CARF: variants seen among roughly 807,000 people sequenced by gnomAD.
The protein encoded by CARF is calcium responsive transcription factor, also known as calcium-responsive transcription factor.
Under a neutral mutation model 82.0 loss-of-function variants are expected in CARF, and 57 were observed. The observed-to-expected ratio is 0.70, with a 90% CI of 0.56 to 0.87. The LOEUF (loss-of-function observed/expected upper bound fraction) is 0.87. Ranked by LOEUF, CARF falls within the 40% of genes least tolerant of loss-of-function variation. The probability of loss-of-function intolerance (pLI) is 0.00; values close to 1 mark genes in which losing one functional copy is unlikely to be tolerated. For synonymous variants in CARF, 268 were observed against 290.1 expected, an observed-to-expected ratio of 0.92 and a Z score of 0.77; for missense variants, 771 against 855.8, an observed-to-expected ratio of 0.90 and a Z score of 1.24.
rs1292849954 is a variant in CARF at position 202,967,072 on chromosome 2, G to C, written c.927G>C (p.Gln309His). The C allele has an allele frequency of 6.2e-7, 1 of 1,614,036 alleles. No individual in the cohort carries two copies. The highest frequency in any genetic ancestry group is 1.1e-5 in the South Asian group (1 of 91,074). Residue 309 changes from glutamine (Q) to histidine (H), a missense_variant, in exon 10 of 17, where the codon CAG becomes CAC. Transcript: ENST00000438828. ...KVSEQESRSCQLYKATCPARI... is the reference protein window; with the variant it reads ...KVSEQESRSCHLYKATCPARI... ...GTGAGCAGGAAAGCAGGTCTTGTCA[G>C]CTCTACAAAGCCACTTGTCCAGCTC...
At chr2:202,919,950 T>C (rs1690482277) in intron 2 of CARF, among the ~76,000 whole-genome samples, 2 of 152,176 alleles carry the variant, frequency 1.3e-5, no homozygotes, top group African/African-American at 4.8e-5. Flanking sequence ...TTTAGCATAG[T>C]ACCTTACTAT....
intron 8 of CARF, 28 bp from the exon 9 acceptor site, chr2:202,961,209 A>G: frequency 6.4e-7 from 1 of 1,569,798 alleles, no homozygotes; most frequent in Non-Finnish European, 8.7e-7. Context: ...TATTGCTAGT[A>G]ATTTTGTTTA....
chr2:202,939,690 T>TC (rs1387541571), intron 3 of CARF, among the ~76,000 whole-genome samples: 4 of 144,696 alleles, frequency 2.8e-5, no homozygotes, highest in African/African-American at 1.0e-4. Context: ...TTTTTCTTTT[T>TC]TTTTTTTTTT....
intron 14 of CARF, among the ~76,000 whole-genome samples, chr2:202,979,120 G>C (rs1171490865): frequency 6.6e-6 from 1 of 152,100 alleles, no homozygotes; most frequent in Non-Finnish European, 1.5e-5. Flanking sequence ...AGCTGGGCAT[G>C]GTGGCACATG....
At chr2:202,915,979 T>G (rs1009653440) in intron 1 of CARF, among the ~76,000 whole-genome samples, 1 of 152,100 alleles carries the variant, frequency 6.6e-6, no homozygotes, top group Middle Eastern at 3.2e-3. Context: ...ATGTTTAACA[T>G]AACTTTAAAA....
At chr2:202,982,812 G>T (rs969405868) in intron 16 of CARF, among the ~76,000 whole-genome samples, 1 of 152,132 alleles carries the variant, frequency 6.6e-6, no homozygotes, top group African/African-American at 2.4e-5. Flanking sequence ...TGGAAGAATT[G>T]ATGTATGCAC....
At chr2:202,922,137 G>T (rs181690608) in intron 2 of CARF, among the ~76,000 whole-genome samples, 50 of 152,012 alleles carry the variant, frequency 3.3e-4, no homozygotes, top group African/African-American at 5.3e-4. Flanking sequence ...CCCTTAAAAA[G>T]AAATTTTTAA....
At chr2:202,964,154 G>T (rs2105892132) in intron 9 of CARF, among the ~76,000 whole-genome samples, 1 of 152,264 alleles carries the variant, frequency 6.6e-6, no homozygotes, top group South Asian at 2.1e-4. Context: ...TTGGATTTCA[G>T]ATTTGTACAT....
At chr2:202,982,683 A>G (rs1265731694) in intron 16 of CARF, among the ~76,000 whole-genome samples, 1 of 152,086 alleles carries the variant, frequency 6.6e-6, no homozygotes, top group African/African-American at 2.4e-5. Flanking sequence ...TTCCCTAATT[A>G]CCTGTTTTCC....
chr2:202,946,280 G>A (rs892266077), intron 5 of CARF, among the ~76,000 whole-genome samples: 3 of 152,148 alleles, frequency 2.0e-5, no homozygotes, highest in Non-Finnish European at 4.4e-5. Context: ...CAAACAGCAT[G>A]GTACTGGTAT....
chr2:202,973,414 T>G, intron 12 of CARF: 1 of 426,992 alleles, frequency 2.3e-6, no homozygotes, highest in Non-Finnish European at 4.6e-6. Context: ...TATATTGATT[T>G]TTTATACAAT....
intron 10 of CARF, among the ~76,000 whole-genome samples, chr2:202,969,483 G>C (rs1188154452): frequency 6.6e-6 from 1 of 152,168 alleles, no homozygotes; most frequent in Non-Finnish European, 1.5e-5. Flanking sequence ...GCTGAGGCAG[G>C]AGAATCACTG....
Position 202,986,270 on chromosome 2 carries a change from A to C in CARF, c.*2646A>C, listed in dbSNP as rs1467235108. Reference sequence around the variant, plus strand: ...TAAAGGTGCTCAGCATCACTTTTTGAAAACTATGTTTACATATTTAAAATG... The same window carrying C: ...TAAAGGTGCTCAGCATCACTTTTTGCAAACTATGTTTACATATTTAAAATG... On this transcript the variant is annotated 3_prime_UTR_variant, in exon 17 of 17. Coordinates refer to ENST00000438828, the MANE Select transcript of CARF (RefSeq NM_024744.17). 2.0e-5 allele frequency: 3 copies of C among 152,124 alleles called. No individual in the cohort carries two copies. The highest frequency in any genetic ancestry group is 4.4e-5 in the Non-Finnish European group (3 of 67,970). 9.4% of individuals were successfully genotyped at this position (152,124 alleles called of 1,614,324 possible).
chr2:202,948,143 G>A (rs2058584990), intron 5 of CARF, among the ~76,000 whole-genome samples: 1 of 152,120 alleles, frequency 6.6e-6, no homozygotes, highest in South Asian at 2.1e-4. Context: ...TGTCAGCTTT[G>A]TTGAAGATGA....
chr2:202,929,595 T>C (rs541310861), intron 3 of CARF, among the ~76,000 whole-genome samples: 1 of 152,336 alleles, frequency 6.6e-6, no homozygotes, highest in Admixed American at 6.5e-5. Context: ...AGCTTTGTAA[T>C]ATATTTTGAA....
At chr2:202,949,362 T>G (rs200059787) in intron 5 of CARF, among the ~76,000 whole-genome samples, 1 of 150,108 alleles carries the variant, frequency 6.7e-6, no homozygotes, top group African/African-American at 2.4e-5. Flanking sequence ...AAAAAAGAGA[T>G]ATGTCTCACT....
intron 12 of CARF, chr2:202,973,499 A>G (rs562143999): frequency 2.3e-6 from 1 of 431,758 alleles, no homozygotes; most frequent in Non-Finnish European, 4.6e-6. Context: ...TATTTCATAT[A>G]ATATTAATTG....
chr2:202,928,529 GT>G (rs1692277174), intron 3 of CARF, among the ~76,000 whole-genome samples: 1 of 151,970 alleles, frequency 6.6e-6, no homozygotes, highest in South Asian at 2.1e-4. Context: ...TCTATTTTTA[GT>G]TTTTTGAGTA....
intron 12 of CARF, among the ~76,000 whole-genome samples, chr2:202,973,311 C>T (rs933899236): frequency 6.6e-6 from 1 of 152,112 alleles, no homozygotes; most frequent in African/African-American, 2.4e-5. Context: ...TTTACTAAAC[C>T]TGAATCTTAA....
Sources: gnomAD v4.1 joint callset for allele counts (sites outside exome capture counted in the v4.1 genomes callset) on GRCh38, gnomAD v4.1.1 for gene constraint, MANE v1.5 for transcripts, NCBI Gene and HGNC (gene_info 2026-07-23, HGNC 2026-07-21) for gene names.